SPAG16: variants seen among roughly 807,000 people sequenced by gnomAD.
SPAG16 encodes the protein sperm associated antigen 16.
In SPAG16, 86 loss-of-function variants were observed where a neutral mutation model predicts 80.4. That is an observed-to-expected ratio of 1.07 (90% CI 0.90 to 1.28). The LOEUF (loss-of-function observed/expected upper bound fraction) is 1.28. SPAG16 is among the 50% of genes most tolerant of loss of function. The pLI, the probability that SPAG16 is intolerant of heterozygous loss-of-function variation, is 0.00. For missense variants in SPAG16, 870 were observed against 765.3 expected, an observed-to-expected ratio of 1.14 and a Z score of -1.61; for synonymous variants, 294 against 265.9, an observed-to-expected ratio of 1.11 and a Z score of -1.03.
At chr2:214,087,457 A>G (rs1016628289) in intron 13 of SPAG16, among the ~76,000 whole-genome samples, 8 of 152,146 alleles carry the variant, frequency 5.3e-5, no homozygotes, top group African/African-American at 1.9e-4. Context: ...AGTATTCATT[A>G]TGTCCCAGGA....
intron 15 of SPAG16, among the ~76,000 whole-genome samples, chr2:214,350,838 T>C (rs1458024902): frequency 6.6e-6 from 1 of 152,034 alleles, no homozygotes; most frequent in African/African-American, 2.4e-5. Context: ...TAATAGGAGA[T>C]CTCTAAACAG....
At chr2:213,916,659 C>T (rs1190415679) in intron 11 of SPAG16, among the ~76,000 whole-genome samples, 4 of 152,124 alleles carry the variant, frequency 2.6e-5, no homozygotes, top group Non-Finnish European at 5.9e-5. Context: ...TTACTTCCCA[C>T]CTGCTCCCCC....
intron 15 of SPAG16, among the ~76,000 whole-genome samples, chr2:214,152,781 G>A (rs1426154067): frequency 3.9e-5 from 6 of 152,192 alleles, no homozygotes; most frequent in East Asian, 3.9e-4. Context: ...CGTGGGTCAC[G>A]TGTCCACTGG....
At chr2:213,864,360 A>G (rs527952641) in intron 11 of SPAG16, among the ~76,000 whole-genome samples, 15 of 152,226 alleles carry the variant, frequency 9.9e-5, no homozygotes, top group African/African-American at 3.4e-4. Context: ...TGAAGATAAT[A>G]TATTTCCTAT....
At chr2:214,266,659 T>G (rs1426205416) in intron 15 of SPAG16, among the ~76,000 whole-genome samples, 1 of 151,844 alleles carries the variant, frequency 6.6e-6, no homozygotes, top group African/African-American at 2.4e-5. Context: ...ATTGTCTCTG[T>G]GTACTGACAA....
In SPAG16 at chr2:213,773,540, T is replaced by G. The variant is rs893665902; in HGVS notation, c.1071-88945T>G. On this transcript the variant is annotated intron_variant, in intron 10 of 15. Coordinates refer to ENST00000331683, the MANE Select transcript of SPAG16 (RefSeq NM_024532.5). ...GAATGGTGTTTCTTTTTGTTTTAAT[T>G]TGGAAATTTTTCTTTCTTTCCTTTC... Among the ~76,000 whole-genome samples, 3 of 152,234 alleles carry G rather than the reference T, an allele frequency of 2.0e-5. No homozygotes were observed. In the South Asian group the frequency reaches 6.2e-4, roughly 32 times the overall value.
intron 14 of SPAG16, among the ~76,000 whole-genome samples, chr2:214,147,954 G>T (rs1559083681): frequency 6.6e-6 from 1 of 151,974 alleles, no homozygotes; most frequent in Non-Finnish European, 1.5e-5. Context: ...AAAATGATAA[G>T]GAAAATTATA....
At chr2:214,298,446 G>C (rs1470387096) in intron 15 of SPAG16, among the ~76,000 whole-genome samples, 2 of 152,176 alleles carry the variant, frequency 1.3e-5, no homozygotes, top group African/African-American at 2.4e-5. Context: ...TTATGATTCA[G>C]CTCCTTGCTG....
rs117235825 is a variant in SPAG16, at chr2:214,336,128, A to T, written c.1721-74012A>T. On this transcript the variant is annotated intron_variant, in intron 15 of 15. Transcript: ENST00000331683. ...CACATGGATTTAGTTATCTTGTTGCAATTTGAATTGGCTATTGGAAGGAAG... is the reference window on the plus strand; with the variant it reads ...CACATGGATTTAGTTATCTTGTTGCTATTTGAATTGGCTATTGGAAGGAAG... 1.4e-4 allele frequency among the ~76,000 whole-genome samples: 21 copies of T among 152,298 alleles called. 1 individual carries two copies. The East Asian group carries it at 4.1e-3, about 29-fold the overall frequency.
chr2:213,893,128 T>C (rs571148180), intron 11 of SPAG16, among the ~76,000 whole-genome samples: 24 of 152,030 alleles, frequency 1.6e-4, no homozygotes, highest in South Asian at 6.2e-4. Context: ...ACAGAAACCA[T>C]ACAAGCCAGG....
At chr2:213,353,011 T>A (rs1345884019) in intron 7 of SPAG16, among the ~76,000 whole-genome samples, 2 of 152,192 alleles carry the variant, frequency 1.3e-5, no homozygotes, top group Non-Finnish European at 2.9e-5. Flanking sequence ...CATGCCCTTT[T>A]TATTCTTCCC....
At chr2:213,719,192 T>C (rs1357390324) in intron 10 of SPAG16, among the ~76,000 whole-genome samples, 1 of 152,092 alleles carries the variant, frequency 6.6e-6, no homozygotes, top group Non-Finnish European at 1.5e-5. Flanking sequence ...TGTGTTTAGC[T>C]CAAGGTTTGT....
chr2:213,703,197 T>G (rs1304563901), intron 10 of SPAG16, among the ~76,000 whole-genome samples: 1 of 152,184 alleles, frequency 6.6e-6, no homozygotes, highest in East Asian at 1.9e-4. Context: ...GAGTGAGATC[T>G]AAACCTGAGT....
chr2:214,061,150 G>A (rs1559747670), intron 13 of SPAG16, among the ~76,000 whole-genome samples: 1 of 152,170 alleles, frequency 6.6e-6, no homozygotes, highest in Non-Finnish European at 1.5e-5. Context: ...ATCTCCTGAA[G>A]CATTTAGCAG....
chr2:213,949,169 G>GTTTTTTTTTTTTTTTTTTTTTTTTTTT (rs767648099), intron 12 of SPAG16, among the ~76,000 whole-genome samples: 23 of 56,740 alleles, frequency 4.1e-4, no homozygotes, highest in Non-Finnish European at 5.4e-4. Context: ...AATTACAACA[G>GTTTTTTTTTTTTTTTTTTTTTTTTTTT]TTTTTTTTTT....
intron 13 of SPAG16, among the ~76,000 whole-genome samples, chr2:214,086,221 A>G (rs1321522187): frequency 6.6e-6 from 1 of 152,176 alleles, no homozygotes; most frequent in African/African-American, 2.4e-5. Flanking sequence ...GCCTTGCACA[A>G]AACTGTATTA....
At chr2:213,690,089 C>T (rs576811078) in intron 10 of SPAG16, among the ~76,000 whole-genome samples, 2 of 152,272 alleles carry the variant, frequency 1.3e-5, no homozygotes, top group Non-Finnish European at 2.9e-5. Flanking sequence ...AAAAATTCTT[C>T]GATCACAGTA....
chr2:214,228,580 T>A (rs867656115), intron 15 of SPAG16, among the ~76,000 whole-genome samples: 2 of 151,840 alleles, frequency 1.3e-5, no homozygotes, highest in African/African-American at 4.8e-5. Context: ...TCAATGGTTC[T>A]CAAAGTGTGC....
At chr2:214,156,673 G>T (rs1282695574) in intron 15 of SPAG16, among the ~76,000 whole-genome samples, 1 of 152,134 alleles carries the variant, frequency 6.6e-6, no homozygotes, top group Admixed American at 6.6e-5. Context: ...CTACTCAGGA[G>T]GCTGAGGTGG....
Sources: gnomAD v4.1 joint callset for allele counts (sites outside exome capture counted in the v4.1 genomes callset) on GRCh38, gnomAD v4.1.1 for gene constraint, MANE v1.5 for transcripts, NCBI Gene and HGNC (gene_info 2026-07-23, HGNC 2026-07-21) for gene names.